The following USH2A variants were observed in gnomAD, a reference collection of about 807,000 sequenced individuals.
USH2A encodes the protein Usher syndrome 2A (autosomal recessive, mild).
Under a neutral mutation model 538.9 loss-of-function variants are expected in USH2A, and 443 were observed. The ratio of observed to expected loss-of-function variants is 0.82; its 90% confidence interval spans 0.76 to 0.89. The LOEUF is 0.89. USH2A is among the 40% of genes least tolerant of loss of function. USH2A has a pLI of 0.00. For missense variants in USH2A, 6,633 were observed against 6,324.8 expected (o/e 1.05, Z -1.65); for synonymous variants, 2,413 against 2,273.5 (o/e 1.06, Z -1.75).
intron 4 of USH2A, among the ~76,000 whole-genome samples, chr1:216,353,506 G>A (rs554110801): frequency 4.6e-5 from 7 of 152,112 alleles, no homozygotes; most frequent in Admixed American, 1.3e-4. Context: ...GATAAATTAG[G>A]GCCCACAAAA....
chr1:216,199,601 G>A, intron 17 of USH2A, 26 bp downstream of exon 17: 1 of 1,613,426 alleles, frequency 6.2e-7, no homozygotes, highest in Non-Finnish European at 8.5e-7. Flanking sequence ...TGACCAAAAA[G>A]GGGAATCTCA....
Position 216,372,515 on chromosome 1 carries a change from C to G in USH2A, c.652-7430G>C, listed in dbSNP as rs77608518. On this transcript the variant is annotated intron_variant, in intron 3 of 71. Coordinates refer to ENST00000307340, the MANE Select transcript of USH2A (RefSeq NM_206933.4). ...AGCTCTTCATATACTGCAACCTCCA[C>G]CAAACAAGTCTCCATTTAATTGATC... Among the ~76,000 whole-genome samples the G allele has an allele frequency of 3.2e-3, 483 of 152,264 alleles. 3 individuals carry two copies. Among genetic ancestry groups the G allele is most frequent in the African/African-American group, 0.011 (456 of 41,544 alleles).
intron 37 of USH2A, among the ~76,000 whole-genome samples, chr1:215,952,803 GC>G (rs1290887503): frequency 6.6e-6 from 1 of 152,140 alleles, no homozygotes; most frequent in Non-Finnish European, 1.5e-5. Context: ...CTCTATGGCT[GC>G]CCTTAACATT....
At position 216,073,296 on chromosome 1, in the gene USH2A, G is replaced by A. The variant is rs764839361; in HGVS notation, c.5577C>T (p.Phe1859=). Residue 1859 remains phenylalanine, a synonymous_variant, in exon 28 of 72, where the codon TTC becomes TTT. Transcript: ENST00000307340. ...ATTTAACATCCTTCATGCAACCACC[G>A]AAACCTAGCAAATAGTAAGGGATTA... The part of the protein sequence containing the change: ...SYQHLCLEQG[F]GGCMKDVKFT... 114 of 1,611,888 alleles carry A rather than the reference G, an allele frequency of 7.1e-5. No individual in the cohort carries two copies. The highest frequency in any genetic ancestry group is 3.4e-4 in the East Asian group (15 of 44,656).
chr1:216,369,433 C>T (rs1031942044), intron 3 of USH2A, among the ~76,000 whole-genome samples: 1 of 152,160 alleles, frequency 6.6e-6, no homozygotes, highest in African/African-American at 2.4e-5. Flanking sequence ...TCCAATCTAA[C>T]TGGTAAAGTC....
At chr1:215,933,148 T>C (rs1336187528) in intron 38 of USH2A, among the ~76,000 whole-genome samples, 1 of 151,964 alleles carries the variant, frequency 6.6e-6, no homozygotes, top group Admixed American at 6.6e-5. Context: ...AAGGTATTAC[T>C]ATATAACTTA....
chr1:216,248,098 T>C (rs1207975442), intron 12 of USH2A, among the ~76,000 whole-genome samples: 1 of 152,092 alleles, frequency 6.6e-6, no homozygotes, highest in Non-Finnish European at 1.5e-5. Context: ...TAAATCATGC[T>C]CTCCTTGGCT....
At chr1:216,198,760 G>A (rs912924493) in intron 17 of USH2A, among the ~76,000 whole-genome samples, 176 bp from the exon 18 acceptor site, 1 of 152,106 alleles carries the variant, frequency 6.6e-6, no homozygotes, top group African/African-American at 2.4e-5. Context: ...TAATCTAGAT[G>A]ACAGGTACAT....
At chr1:215,684,814 C>T (rs2820683) in intron 61 of USH2A, among the ~76,000 whole-genome samples, 142,875 of 152,174 alleles carry the variant, frequency 0.94, 67,648 homozygotes, top group East Asian at 1. Flanking sequence ...TTCTGCATCC[C>T]AACCAAGTCA....
At chr1:216,232,418 A>G (rs188768822) in intron 13 of USH2A, among the ~76,000 whole-genome samples, 4 of 152,258 alleles carry the variant, frequency 2.6e-5, no homozygotes, top group African/African-American at 9.6e-5. Flanking sequence ...ACCTCCTCTA[A>G]TCAGCTCCAT....
At chr1:216,173,821 C>T (rs932066242) in intron 21 of USH2A, 2 of 362,588 alleles carry the variant, frequency 5.5e-6, no homozygotes, top group Non-Finnish European at 3.8e-6. Context: ...GAAACGGATG[C>T]TATTTCTTGG....
chr1:215,624,762 G>C lies in USH2A; in HGVS notation c.*1019C>G, dbSNP rs1307821719. 1 of 152,064 alleles carries C rather than the reference G, an allele frequency of 6.6e-6. No individual in the cohort carries two copies. Among genetic ancestry groups the C allele is most frequent in the Non-Finnish European group, 1.5e-5 (1 of 68,016 alleles). The allele number at this position is 152,064 out of a possible 1,614,324, so 9.4% of individuals were successfully genotyped here. ...CCAAAAAGAAGGGATATAGTGCAGA[G>C]TAATATATACATGATATACATATAT... is the stretch of plus-strand genomic sequence containing the variant. On this transcript the variant is annotated 3_prime_UTR_variant, in exon 72 of 72. Coordinates refer to ENST00000307340, the MANE Select transcript of USH2A (RefSeq NM_206933.4).
chr1:216,274,300 C>A (rs2036628282), intron 11 of USH2A, among the ~76,000 whole-genome samples: 1 of 152,056 alleles, frequency 6.6e-6, no homozygotes, highest in Admixed American at 6.6e-5. Context: ...TAGAAATAGA[C>A]TGGTTTCAGC....
intron 21 of USH2A, among the ~76,000 whole-genome samples, chr1:216,127,074 T>C (rs1342165655): frequency 6.6e-6 from 1 of 152,228 alleles, no homozygotes; most frequent in African/African-American, 2.4e-5. Flanking sequence ...AGGGAGACAG[T>C]TTGCATTAAA....
In USH2A at chr1:216,196,617, C is replaced by T. The variant is rs1380848381; in HGVS notation, c.4187G>A (p.Gly1396Glu). 7 of 1,613,394 alleles carry T rather than the reference C, an allele frequency of 4.3e-6. No individual in the cohort carries two copies. The highest frequency in any genetic ancestry group is 4.0e-5 in the African/African-American group (3 of 74,870). ...ADNVTRGKVV[G>E]YDINMLSEQS... ...TTCAGAAAGCATATTGATGTCATAC[C>T]CCACAACTTTTCCTCTTGTAACATT... Residue 1396 changes from glycine to glutamate, a missense_variant, in exon 19 of 72, where the codon GGG (glycine) becomes GAG (glutamate). Coordinates refer to ENST00000307340, the MANE Select transcript of USH2A (RefSeq NM_206933.4).
chr1:215,928,032 C>T (rs1488192610), intron 38 of USH2A, among the ~76,000 whole-genome samples: 1 of 152,040 alleles, frequency 6.6e-6, no homozygotes, highest in Non-Finnish European at 1.5e-5. Context: ...GTTATCACTG[C>T]CACAAAGGGC....
intron 32 of USH2A, among the ~76,000 whole-genome samples, chr1:216,038,431 A>T (rs1026991089): frequency 6.6e-6 from 1 of 151,998 alleles, no homozygotes; most frequent in Non-Finnish European, 1.5e-5. Context: ...ATTTTGGTGG[A>T]AAAAATTGAA....
chr1:215,956,364 G>A (rs1667069516), intron 37 of USH2A, among the ~76,000 whole-genome samples: 1 of 152,088 alleles, frequency 6.6e-6, no homozygotes, highest in Non-Finnish European at 1.5e-5. Context: ...GTTTGAAAAT[G>A]GTGTGAGTAT....
chr1:216,283,336 C>T (rs189017766), intron 11 of USH2A, among the ~76,000 whole-genome samples: 26 of 152,270 alleles, frequency 1.7e-4, no homozygotes, highest in Admixed American at 6.5e-4. Flanking sequence ...GTGATCCACC[C>T]GCCTCGGCTT....
Sources: allele counts gnomAD v4.1 joint callset (sites outside exome capture counted in the v4.1 genomes callset), GRCh38; gene constraint gnomAD v4.1.1; transcripts MANE v1.5; gene names NCBI Gene and HGNC (gene_info 2026-07-23, HGNC 2026-07-21).